Variants in RNPS1 observed in about 807,000 individuals in gnomAD.
RNPS1 encodes RNA-binding protein with serine-rich domain 1.
For missense variants in RNPS1, 300 were observed against 427.6 expected (o/e 0.70, Z 2.63); for synonymous variants, 147 against 150.0 (o/e 0.98, Z 0.15).
intron 6 of RNPS1, chr16:2,257,591 C>G (rs1026956489): frequency 6.6e-6 from 1 of 152,134 alleles, no homozygotes; most frequent in Admixed American, 6.5e-5. Context: ...ATCACGCCCA[C>G]CCAGAAGGTA....
rs1252579198 is a variant in RNPS1, at chr16:2,263,269, A to G, written c.246T>C (p.Thr82=). Residue 82 remains threonine (T), a synonymous_variant, in exon 4 of 8, where the codon ACT becomes ACC. Transcript: ENST00000320225. ...SSSTRSRSSS[T]SSSGSSTSTG... The stretch of plus-strand genomic sequence containing the variant: ...TGCTGGTGCTGGAGCCTGAGCTGGA[A>G]GTCGAGCTGGACCGAGACCTGAGGG... 1 of 1,613,796 alleles carries G rather than the reference A, an allele frequency of 6.2e-7. No homozygotes were observed. The highest frequency in any genetic ancestry group is 8.5e-7 in the Non-Finnish European group (1 of 1,179,928).
In RNPS1 at chr16:2,253,864, C is replaced by T. The variant is rs1360365488; in HGVS notation, c.*100G>A. The T allele has an allele frequency of 9.2e-6, 10 of 1,081,866 alleles. No homozygotes were observed. The allele number at this position is 1,081,866 out of a possible 1,614,324, so 67.0% of individuals were successfully genotyped here. A position where few individuals can be genotyped will look rare whatever the true frequency, so the allele number is the denominator to read the frequency against. The stretch of plus-strand genomic sequence containing the variant: ...TGCTGCCTGCAAATCCTGCCAGAGT[C>T]AAGGGTTTGCTTTCCTACTGGTCTT... On this transcript the variant is annotated 3_prime_UTR_variant, in exon 8 of 8. Coordinates refer to ENST00000320225, the MANE Select transcript of RNPS1 (RefSeq NM_080594.4).
At chr16:2,260,990 C>G (rs1250233988) in intron 6 of RNPS1, among the ~76,000 whole-genome samples, 1 of 152,054 alleles carries the variant, frequency 6.6e-6, no homozygotes, top group Non-Finnish European at 1.5e-5. Flanking sequence ...ATTAGCCAGG[C>G]ATGGTGGTGG....
intron 7 of RNPS1, 108 bp downstream of exon 7, chr16:2,255,477 C>G (rs2093573861): frequency 1.5e-6 from 2 of 1,328,762 alleles, no homozygotes; most frequent in Non-Finnish European, 2.1e-6. Flanking sequence ...TCTCTGCCAG[C>G]CCGCACAGCA....
At position 2,262,851 on chromosome 16, in the gene RNPS1, GAAAAC is replaced by G; in HGVS notation, c.420-14_420-10del. 6.2e-7 allele frequency: 1 copy of G among 1,609,928 alleles called. No homozygotes were observed. The highest frequency in any genetic ancestry group is 8.5e-7 in the Non-Finnish European group (1 of 1,176,984). On this transcript the variant is annotated splice_polypyrimidine_tract_variant and intron_variant, in intron 4 of 7. Transcript: ENST00000320225. ...TTTTAGGTGGTTTGGATCTGATTGAGAAAACAAAACACCAGAAACAATTTCTGTCA... is the reference window on the plus strand; with the variant it reads ...TTTTAGGTGGTTTGGATCTGATTGAGAAAACACCAGAAACAATTTCTGTCA...
chr16:2,263,665 T>C (rs1187589897), intron 3 of RNPS1, among the ~76,000 whole-genome samples: 2 of 152,038 alleles, frequency 1.3e-5, no homozygotes, highest in Non-Finnish European at 2.9e-5. Context: ...CAAGCTGGAG[T>C]GCAGTGGCAT....
At chr16:2,263,538 GGGAGGCAAAGGACT>G (rs1181814511) in intron 3 of RNPS1, among the ~76,000 whole-genome samples, 3 of 152,204 alleles carry the variant, frequency 2.0e-5, no homozygotes, top group Non-Finnish European at 4.4e-5. Flanking sequence ...CTTTCCTGCT[GGGAGGCAAAGGACT>G]CTGGCAAAAG....
chr16:2,266,471 G>C, intron 1 of RNPS1: 4 of 952,292 alleles, frequency 4.2e-6, no homozygotes, highest in South Asian at 4.8e-5. Context: ...TGTGATTTTA[G>C]ACAAGTCACT....
chr16:2,266,058 G>T (rs562307412), intron 1 of RNPS1: 1 of 942,582 alleles, frequency 1.1e-6, no homozygotes, highest in South Asian at 4.9e-5. Flanking sequence ...CAAGCTGCAG[G>T]AGTTGTTAAG....
chr16:2,259,462 CTT>C (rs1025347624), intron 6 of RNPS1, among the ~76,000 whole-genome samples: 3 of 152,162 alleles, frequency 2.0e-5, no homozygotes, highest in Admixed American at 6.5e-5. Context: ...CAATTGTTGT[CTT>C]GTTTTAATCC....
At chr16:2,266,126 T>G (rs1023098083) in intron 1 of RNPS1, 2 of 985,246 alleles carry the variant, frequency 2.0e-6, no homozygotes, top group Non-Finnish European at 2.4e-6. Context: ...CAAGAGCCAG[T>G]TGGTAAGGAG....
chr16:2,262,479 C>T (rs375179221), intron 5 of RNPS1, 48 bp from the exon 6 acceptor site: 13 of 1,604,066 alleles, frequency 8.1e-6, no homozygotes, highest in Admixed American at 1.7e-5. Context: ...CAGTCAGTCA[C>T]GTCAGACGCA....
intron 1 of RNPS1, chr16:2,267,581 C>A (rs1277151561): frequency 1.0e-5 from 11 of 1,063,430 alleles, no homozygotes; most frequent in Admixed American, 5.9e-5. Flanking sequence ...CGACCTTCCA[C>A]CGCATCCCAC....
In RNPS1 at chr16:2,268,105, G is replaced by A; in HGVS notation, c.-168C>T. The A allele has an allele frequency of 1.3e-6, 2 of 1,535,176 alleles. No homozygotes were observed. The highest frequency in any genetic ancestry group is 1.7e-6 in the Non-Finnish European group (2 of 1,146,422). On this transcript the variant is annotated 5_prime_UTR_variant, in exon 1 of 8. Transcript: ENST00000320225. ...CTGCTTTCCTCAGCCGCCGAGGCCG[G>A]CGCCGCTCTGACGTCAGAGTCAAGG...
intron 1 of RNPS1, chr16:2,264,964 T>C: frequency 3.7e-6 from 1 of 269,702 alleles, no homozygotes. Flanking sequence ...GGTACAACTG[T>C]CGCCCCAGCG....
At chr16:2,260,902 A>G (rs945776793) in intron 6 of RNPS1, among the ~76,000 whole-genome samples, 5 of 152,184 alleles carry the variant, frequency 3.3e-5, no homozygotes, top group Non-Finnish European at 5.9e-5. Context: ...AGGCCGAGGC[A>G]GGCGGATCAC....
At chr16:2,267,788 C>T (rs2093631305) in intron 1 of RNPS1, 42 of 1,400,956 alleles carry the variant, frequency 3.0e-5, no homozygotes, top group Non-Finnish European at 3.9e-5. Context: ...GGTCTGAGTC[C>T]CGCGGGCCTG....
chr16:2,257,260 C>G (rs1326262186), intron 6 of RNPS1: 1 of 152,068 alleles, frequency 6.6e-6, no homozygotes, highest in Non-Finnish European at 1.5e-5. Flanking sequence ...CCTTCTGTGC[C>G]CTAAGGGGTA....
intron 2 of RNPS1, 30 bp downstream of exon 2, chr16:2,264,543 A>G: frequency 6.2e-7 from 1 of 1,606,060 alleles, no homozygotes; most frequent in South Asian, 1.1e-5. Flanking sequence ...ACCCCCAAGT[A>G]GCACTAGAAA....
Sources: gnomAD v4.1 joint callset for allele counts (sites outside exome capture counted in the v4.1 genomes callset) on GRCh38, gnomAD v4.1.1 for gene constraint, MANE v1.5 for transcripts, NCBI Gene and HGNC (gene_info 2026-07-23, HGNC 2026-07-21) for gene names.